The following SOBP variants were observed in gnomAD, a reference collection of about 807,000 sequenced individuals.
SOBP encodes the protein sine oculis binding protein homolog.
Under a neutral mutation model 53.6 loss-of-function variants are expected in SOBP, and 4 were observed. That is an observed-to-expected ratio of 0.07 (90% CI 0.04 to 0.17). The LOEUF is 0.17. Among genes scored for constraint, SOBP ranks in the 10% least tolerant of loss-of-function variants. The pLI is 1.00. For synonymous variants in SOBP, 584 were observed against 522.6 expected, an observed-to-expected ratio of 1.12 and a Z score of -1.60; for missense variants, 1,088 against 1,204.7, an observed-to-expected ratio of 0.90 and a Z score of 1.43.
At chr6:107,578,869 A>T (rs747190466) in intron 4 of SOBP, among the ~76,000 whole-genome samples, 5 of 152,138 alleles carry the variant, frequency 3.3e-5, no homozygotes, top group Non-Finnish European at 7.4e-5. Flanking sequence ...AGCCTTACAG[A>T]TAGGGTCCTG....
intron 4 of SOBP, among the ~76,000 whole-genome samples, chr6:107,567,657 AGAATTTTGTGTGTAAAACATGTAG>A (rs1209060761): frequency 4.6e-5 from 7 of 152,252 alleles, no homozygotes; most frequent in Admixed American, 1.3e-4. Flanking sequence ...ATCCACTTCC[AGAATTTTGTGTGTAAAACATGTAG>A]GAATTTTGAT....
chr6:107,618,813 A>C (rs569328945), intron 5 of SOBP, among the ~76,000 whole-genome samples: 1 of 152,192 alleles, frequency 6.6e-6, no homozygotes, highest in African/African-American at 2.4e-5. Context: ...TTGGAAGGTC[A>C]CGCCATAGGT....
chr6:107,490,481 G>T lies in SOBP; in HGVS notation c.-136G>T. The T allele has an allele frequency of 1.5e-6, 1 of 662,938 alleles. No individual in the cohort carries two copies. The highest frequency in any genetic ancestry group is 2.7e-6 in the Non-Finnish European group (1 of 374,378). 41.1% of individuals were successfully genotyped at this position (662,938 alleles called of 1,614,324 possible). On this transcript the variant is annotated 5_prime_UTR_variant, in exon 1 of 7. Transcript: ENST00000317357. ...CGCCTGCCCTCCCCCTCGCGGCTCGGTCCGGCCCCGCCAGCACCGCTACCT... is the reference window on the plus strand; with the variant it reads ...CGCCTGCCCTCCCCCTCGCGGCTCGTTCCGGCCCCGCCAGCACCGCTACCT...
chr6:107,549,648 A>T (rs942188806), intron 4 of SOBP, among the ~76,000 whole-genome samples: 1 of 152,038 alleles, frequency 6.6e-6, no homozygotes, highest in Non-Finnish European at 1.5e-5. Context: ...GTAGTCATTT[A>T]GTACTTAGTA....
At chr6:107,510,482 A>G (rs571874914) in intron 3 of SOBP, 1 of 152,352 alleles carries the variant, frequency 6.6e-6, no homozygotes, top group South Asian at 2.1e-4. Flanking sequence ...CTGATATTCA[A>G]ATCTTATTGC....
At chr6:107,594,863 C>T (rs2082254786) in intron 5 of SOBP, among the ~76,000 whole-genome samples, 2 of 152,184 alleles carry the variant, frequency 1.3e-5, no homozygotes, top group African/African-American at 4.8e-5. Flanking sequence ...TGGGGGAGGG[C>T]AGGAGGCCCA....
At chr6:107,520,125 T>G (rs1783438093) in intron 3 of SOBP, among the ~76,000 whole-genome samples, 1 of 152,216 alleles carries the variant, frequency 6.6e-6, no homozygotes, top group Non-Finnish European at 1.5e-5. Context: ...AAAATTGTCC[T>G]GTCAGCCAAA....
chr6:107,625,699 C>T (rs376350221), intron 5 of SOBP, among the ~76,000 whole-genome samples: 36 of 152,128 alleles, frequency 2.4e-4, no homozygotes, highest in Non-Finnish European at 3.8e-4. Context: ...AAGTCCCTGG[C>T]GTGGGGGTTG....
At chr6:107,564,298 C>T (rs936153817) in intron 4 of SOBP, among the ~76,000 whole-genome samples, 4 of 152,128 alleles carry the variant, frequency 2.6e-5, no homozygotes, top group Non-Finnish European at 5.9e-5. Flanking sequence ...AAAACACTCT[C>T]CTGTAGTTTC....
intron 5 of SOBP, among the ~76,000 whole-genome samples, chr6:107,602,564 G>C (rs576783664): frequency 1.5e-5 from 1 of 65,190 alleles, no homozygotes; most frequent in Non-Finnish European, 2.4e-5. Context: ...CAACTAAGCC[G>C]CGTTAAAAAA....
chr6:107,547,401 A>ACAATATGCT (rs1247582283), intron 4 of SOBP, among the ~76,000 whole-genome samples: 1 of 152,220 alleles, frequency 6.6e-6, no homozygotes, highest in East Asian at 1.9e-4. Flanking sequence ...AGTACGTCAA[A>ACAATATGCT]CAATATGCTG....
chr6:107,570,991 C>T (rs1056787330), intron 4 of SOBP, among the ~76,000 whole-genome samples: 28 of 152,204 alleles, frequency 1.8e-4, no homozygotes, highest in African/African-American at 5.8e-4. Context: ...CCTAGAACAA[C>T]GCAAGACTCT....
chr6:107,624,673 C>T (rs1770376896), intron 5 of SOBP, among the ~76,000 whole-genome samples: 1 of 152,164 alleles, frequency 6.6e-6, no homozygotes, highest in Non-Finnish European at 1.5e-5. Flanking sequence ...AAAATTGGTG[C>T]AAAGGAGAAA....
In SOBP at chr6:107,587,164, T is replaced by C. The variant is rs1223033091; in HGVS notation, c.658T>C (p.Cys220Arg). ...ETPRLAFKNNCELLVCDWCKH... is the reference protein window; with the variant it reads ...ETPRLAFKNNRELLVCDWCKH... ...TCCAAGGCTTGCCTTCAAGAATAAC[T>C]GCGAACTACTTGTAAGAATAACATA... The change falls in exon 5 of 7, where the codon TGC becomes CGC. Residue 220 changes from cysteine (C) to arginine (R), a missense_variant. Cys to Arg is a radical substitution (Grantham distance 180). This residue lies in a region of SOBP where 55 missense variants were observed against 134.3 expected (regional missense o/e 0.41). Transcript: ENST00000317357. 1 of 1,613,116 alleles carries C rather than the reference T, an allele frequency of 6.2e-7. No homozygotes were observed. The highest frequency in any genetic ancestry group is 1.1e-5 in the South Asian group (1 of 91,062).
chr6:107,511,954 C>T (rs550586779), intron 3 of SOBP, among the ~76,000 whole-genome samples: 1 of 152,074 alleles, frequency 6.6e-6, no homozygotes, highest in African/African-American at 2.4e-5. Flanking sequence ...TTCCCCCTCC[C>T]CCGCCCCCAT....
intron 4 of SOBP, among the ~76,000 whole-genome samples, chr6:107,554,086 G>A (rs563684263): frequency 5.9e-5 from 9 of 152,156 alleles, no homozygotes; most frequent in African/African-American, 1.4e-4. Flanking sequence ...GAGGGACAGC[G>A]TGGCCAGACT....
intron 4 of SOBP, among the ~76,000 whole-genome samples, chr6:107,557,427 T>C (rs1784645762): frequency 6.6e-6 from 1 of 152,230 alleles, no homozygotes; most frequent in African/African-American, 2.4e-5. Flanking sequence ...ATCAAATTGT[T>C]CCGAAACTAT....
intron 5 of SOBP, among the ~76,000 whole-genome samples, chr6:107,600,801 C>A (rs889436478): frequency 2.0e-5 from 3 of 152,182 alleles, no homozygotes; most frequent in Non-Finnish European, 4.4e-5. Context: ...ATCATCAATG[C>A]CATCTATCTA....
intron 3 of SOBP, among the ~76,000 whole-genome samples, chr6:107,507,576 G>A (rs1180883606): frequency 6.6e-6 from 1 of 152,134 alleles, no homozygotes; most frequent in Non-Finnish European, 1.5e-5. Context: ...AAAGTGCTGG[G>A]ATTACAGGTG....
Sources: gnomAD v4.1 joint callset for allele counts (sites outside exome capture counted in the v4.1 genomes callset) on GRCh38, gnomAD v4.1.1 for gene constraint, gnomAD v4.1.1 regional missense constraint, MANE v1.5 for transcripts, NCBI Gene and HGNC (gene_info 2026-07-23, HGNC 2026-07-21) for gene names.